The following PCDHA1 variants were observed in gnomAD, a reference collection of about 807,000 sequenced individuals.
The protein encoded by PCDHA1 is protocadherin alpha-1.
Under a neutral mutation model 61.3 loss-of-function variants are expected in PCDHA1, and 42 were observed. The observed-to-expected ratio is 0.69, with a 90% CI of 0.54 to 0.89. The LOEUF is 0.89. Among genes scored for constraint, PCDHA1 ranks in the 40% least tolerant of loss-of-function variants. PCDHA1 has a pLI of 0.00. For missense variants in PCDHA1, 1,256 were observed against 1,235.3 expected, an observed-to-expected ratio of 1.02 and a Z score of -0.25; for synonymous variants, 610 against 553.8, an observed-to-expected ratio of 1.10 and a Z score of -1.43.
At chr5:140,808,474 C>A in intron 1 of PCDHA1, 5 of 1,614,152 alleles carry the variant, frequency 3.1e-6, no homozygotes, top group Non-Finnish European at 4.2e-6. Flanking sequence ...CCGCGCGAGA[C>A]GGGGGCTCGC....
intron 1 of PCDHA1, among the ~76,000 whole-genome samples, chr5:140,939,804 G>A (rs2092463605): frequency 6.6e-6 from 1 of 152,140 alleles, no homozygotes; most frequent in Non-Finnish European, 1.5e-5. Flanking sequence ...TGTTCTGCAT[G>A]TTCAAGAAAA....
chr5:140,967,503 G>C (rs369053625), intron 1 of PCDHA1: 1 of 1,612,938 alleles, frequency 6.2e-7, no homozygotes, highest in Non-Finnish European at 8.5e-7. Context: ...ATCTCTGTGC[G>C]TGTCCTGGAC....
intron 1 of PCDHA1, chr5:140,883,577 G>C: frequency 1.2e-6 from 2 of 1,614,052 alleles, no homozygotes; most frequent in South Asian, 1.1e-5. Context: ...TTCGCTGTGG[G>C]CCACGGCCAG....
intron 2 of PCDHA1, among the ~76,000 whole-genome samples, chr5:140,979,316 G>A (rs782153299): frequency 2.0e-5 from 3 of 151,950 alleles, no homozygotes; most frequent in Non-Finnish European, 4.4e-5. Context: ...CTCTACCTAT[G>A]CTTTCTTTTC....
In PCDHA1 at chr5:140,787,421, T is replaced by C. The variant is rs1761370244; in HGVS notation, c.1131T>C (p.Arg377=). 6.2e-7 allele frequency: 1 copy of C among 1,614,248 alleles called. No homozygotes were observed. Among genetic ancestry groups the C allele is most frequent in the Non-Finnish European group, 8.5e-7 (1 of 1,180,034 alleles). ...TVIALITVSD[R]DSGANGQVTC... ...TCGCCCTCATCACCGTGTCTGACCG[T>C]GACTCAGGTGCCAACGGGCAGGTGA... The change falls in exon 1 of 4, where the codon CGT becomes CGC. Residue 377 remains arginine, a synonymous_variant. Transcript: ENST00000504120.
intron 1 of PCDHA1, chr5:140,829,699 C>T (rs61730774): frequency 1.2e-6 from 2 of 1,613,252 alleles, no homozygotes; most frequent in Non-Finnish European, 1.7e-6. Flanking sequence ...TTCAGGTGAG[C>T]GCGCGCGACG....
At chr5:140,809,774 A>G (rs1554125354) in intron 1 of PCDHA1, 1 of 542,970 alleles carries the variant, frequency 1.8e-6, no homozygotes, top group Non-Finnish European at 3.1e-6. Flanking sequence ...GCATTATTCA[A>G]TGCATATTAA....
At chr5:140,846,591 G>A (rs1236842497) in intron 1 of PCDHA1, among the ~76,000 whole-genome samples, 3 of 148,580 alleles carry the variant, frequency 2.0e-5, no homozygotes, top group African/African-American at 7.4e-5. Context: ...AGCCAGGATG[G>A]TCTCGATCTC....
At chr5:140,882,072 T>G in intron 1 of PCDHA1, 4 of 861,576 alleles carry the variant, frequency 4.6e-6, no homozygotes, top group Non-Finnish European at 7.0e-6. Flanking sequence ...TTCATGCGCA[T>G]GGTGTCGCTC....
At chr5:140,868,859 A>G (rs2050687281) in intron 1 of PCDHA1, 1 of 502,518 alleles carries the variant, frequency 2.0e-6, no homozygotes, top group African/African-American at 1.9e-5. Context: ...TGTGGTGGTA[A>G]ATGCAGTGCA....
rs1761395764 is a variant in PCDHA1 at position 140,787,721 on chromosome 5, G to C, written c.1431G>C (p.Val477=). 1 of 1,613,700 alleles carries C rather than the reference G, an allele frequency of 6.2e-7. No homozygotes were observed. The highest frequency in any genetic ancestry group is 1.1e-5 in the South Asian group (1 of 91,078). ...CGCCGGGCTGCCACATCTTCACGGT[G>C]TCTGCGCGGGACGCGGACGCGCAGG... ...NNPPGCHIFT[V]SARDADAQEN... The change falls in exon 1 of 4, where the codon GTG becomes GTC. Residue 477 remains valine (V), a synonymous_variant. Transcript: ENST00000504120.
At chr5:140,840,932 A>C (rs1391347019) in intron 1 of PCDHA1, among the ~76,000 whole-genome samples, 1 of 152,030 alleles carries the variant, frequency 6.6e-6, no homozygotes, top group African/African-American at 2.4e-5. Flanking sequence ...AATTGATACG[A>C]TATTTGAAAT....
intron 3 of PCDHA1, among the ~76,000 whole-genome samples, chr5:140,999,630 A>G (rs2097866462): frequency 1.3e-5 from 2 of 152,210 alleles, no homozygotes; most frequent in Non-Finnish European, 2.9e-5. Context: ...GAAACAAGGT[A>G]GAGAAAACTG....
intron 1 of PCDHA1, among the ~76,000 whole-genome samples, chr5:140,956,665 G>GCTTT (rs1273636843): frequency 1.3e-5 from 2 of 152,004 alleles, no homozygotes; most frequent in Non-Finnish European, 2.9e-5. Flanking sequence ...TGGCCTTAAA[G>GCTTT]GAGTTAGGGA....
chr5:140,869,679 G>A, intron 1 of PCDHA1: 1 of 1,613,452 alleles, frequency 6.2e-7, no homozygotes, highest in Non-Finnish European at 8.5e-7. Flanking sequence ...TTAAAAGACT[G>A]TCACTTATTT....
chr5:140,969,921 G>A (rs1417032241), intron 1 of PCDHA1, among the ~76,000 whole-genome samples: 2 of 152,198 alleles, frequency 1.3e-5, no homozygotes, highest in African/African-American at 2.4e-5. Flanking sequence ...TAAAGCTGTA[G>A]TATTTAGACA....
chr5:140,869,361 G>T, intron 1 of PCDHA1: 1 of 1,614,146 alleles, frequency 6.2e-7, no homozygotes, highest in Non-Finnish European at 8.5e-7. Context: ...TTTTGTTTGT[G>T]AATTCTCGGA....
chr5:140,810,861 C>T (rs1554125588), intron 1 of PCDHA1: 1 of 151,958 alleles, frequency 6.6e-6, no homozygotes, highest in Non-Finnish European at 1.5e-5. Context: ...CTCAATTTAT[C>T]AATTTTTGCT....
intron 1 of PCDHA1, chr5:140,836,620 G>A (rs782384217): frequency 5.6e-6 from 9 of 1,613,468 alleles, no homozygotes; most frequent in Non-Finnish European, 7.6e-6. Flanking sequence ...AGCGCGGTGG[G>A]GAGCTGGTCA....
Sources: allele counts gnomAD v4.1 joint callset (sites outside exome capture counted in the v4.1 genomes callset), GRCh38; gene constraint gnomAD v4.1.1; transcripts MANE v1.5; gene names NCBI Gene and HGNC (gene_info 2026-07-23, HGNC 2026-07-21).